Variants in CAPN13 observed in about 807,000 individuals in gnomAD.
CAPN13 encodes calpain 13.
CAPN13 carries 90 observed loss-of-function variants against 98.4 expected under a neutral mutation model. That is an observed-to-expected ratio of 0.92 (90% CI 0.77 to 1.09). CAPN13 has a LOEUF of 1.09. Ranked by LOEUF, CAPN13 falls within the 50% of genes least tolerant of loss-of-function variation. The probability of loss-of-function intolerance (pLI) is 0.00; values close to 1 mark genes in which losing one functional copy is unlikely to be tolerated. For missense variants in CAPN13, 887 were observed against 841.3 expected (o/e 1.05, Z -0.67); for synonymous variants, 330 against 305.5 (o/e 1.08, Z -0.84).
At chr2:30,793,859 C>T (rs942343438) in intron 1 of CAPN13, among the ~76,000 whole-genome samples, 3 of 151,680 alleles carry the variant, frequency 2.0e-5, no homozygotes, top group African/African-American at 7.2e-5. Flanking sequence ...GGTGCTGGAT[C>T]AACAGGATTT....
chr2:30,776,123 C>T, intron 3 of CAPN13, 78 bp from the exon 4 acceptor site: 1 of 872,222 alleles, frequency 1.1e-6, no homozygotes, highest in South Asian at 1.7e-5. Flanking sequence ...AGGTCCTTAC[C>T]ACCAGAGGCT....
At chr2:30,789,177 A>C (rs893555271) in intron 1 of CAPN13, among the ~76,000 whole-genome samples, 1 of 152,236 alleles carries the variant, frequency 6.6e-6, no homozygotes, top group Non-Finnish European at 1.5e-5. Flanking sequence ...GATATCATTC[A>C]AGAGTAAGAA....
intron 8 of CAPN13, 67 bp from the exon 9 acceptor site, chr2:30,754,431 T>C (rs944500509): frequency 6.7e-6 from 9 of 1,351,064 alleles, no homozygotes; most frequent in Non-Finnish European, 9.1e-6. Context: ...CATGTGTGGG[T>C]CAACAGGGAC....
intron 2 of CAPN13, among the ~76,000 whole-genome samples, chr2:30,784,399 CA>C: frequency 6.6e-6 from 1 of 152,256 alleles, no homozygotes; most frequent in African/African-American, 2.4e-5. Flanking sequence ...ATCACAGTAA[CA>C]AAAACTAGTG....
At chr2:30,731,479 T>TAAG in intron 20 of CAPN13, 80 bp from the exon 21 acceptor site, 1 of 1,245,368 alleles carries the variant, frequency 8.0e-7, no homozygotes, top group South Asian at 1.4e-5. Flanking sequence ...CCTGGGCCCA[T>TAAG]AAGAAGCACA....
intron 7 of CAPN13, among the ~76,000 whole-genome samples, chr2:30,758,774 C>T (rs944822715): frequency 6.2e-4 from 29 of 46,578 alleles, no homozygotes; most frequent in African/African-American, 2.4e-3. Context: ...CCTTTCCTTC[C>T]TCCCTCCCTC....
At chr2:30,730,605 C>T (rs1671034973) in intron 22 of CAPN13, 125 bp downstream of exon 22, 2 of 615,840 alleles carry the variant, frequency 3.2e-6, no homozygotes, top group Non-Finnish European at 5.9e-6. Context: ...CCTTGGTTCA[C>T]TTATGTAAGG....
chr2:30,803,227 T>TC (rs998599079), intron 1 of CAPN13, among the ~76,000 whole-genome samples: 2 of 152,218 alleles, frequency 1.3e-5, no homozygotes, highest in African/African-American at 4.8e-5. Flanking sequence ...AAGATTCCTG[T>TC]CATCTCTCCA....
At chr2:30,766,315 C>T (rs775163054) in intron 5 of CAPN13, among the ~76,000 whole-genome samples, 1 of 152,214 alleles carries the variant, frequency 6.6e-6, no homozygotes, top group African/African-American at 2.4e-5. Flanking sequence ...CCGGCAGTCA[C>T]CTCGGAGTCA....
At chr2:30,754,043 C>G (rs1438041949) in intron 9 of CAPN13, among the ~76,000 whole-genome samples, 1 of 152,180 alleles carries the variant, frequency 6.6e-6, no homozygotes, top group Non-Finnish European at 1.5e-5. Context: ...TGCCAATGTT[C>G]TCTTTTACTA....
chr2:30,781,732 T>C (rs541025531), intron 2 of CAPN13, among the ~76,000 whole-genome samples: 28 of 152,144 alleles, frequency 1.8e-4, no homozygotes, highest in Non-Finnish European at 3.7e-4. Flanking sequence ...AGGTGGCATA[T>C]TGTGGGACTT....
At chr2:30,743,266 G>A in intron 13 of CAPN13, 117 bp downstream of exon 13, 1 of 924,058 alleles carries the variant, frequency 1.1e-6, no homozygotes, top group Non-Finnish European at 1.7e-6. Context: ...CCAATATCAT[G>A]TCCCCAGTGA....
In CAPN13 at chr2:30,752,600, T is replaced by A. The variant is rs146690503; in HGVS notation, c.1087+453A>T. Reference sequence around the variant, plus strand: ...GCTCAAGGACAGACAAGTATGACTATTTCCACTGCTGAGTCTTGGGGAGGC... The same window carrying A: ...GCTCAAGGACAGACAAGTATGACTAATTCCACTGCTGAGTCTTGGGGAGGC... On this transcript the variant is annotated intron_variant, in intron 10 of 22. Transcript: ENST00000295055. Among the ~76,000 whole-genome samples, 675 of 152,308 alleles carry A rather than the reference T, an allele frequency of 4.4e-3. 8 individuals carry two copies. The highest frequency in any genetic ancestry group is 0.015 in the African/African-American group (628 of 41,566).
chr2:30,787,448 C>T, intron 1 of CAPN13, 91 bp from the exon 2 acceptor site: 3 of 923,114 alleles, frequency 3.2e-6, no homozygotes, highest in South Asian at 1.8e-5. Context: ...TCTGATATAC[C>T]ACCCTTTACA....
chr2:30,731,182 G>C (rs916755217), intron 21 of CAPN13, among the ~76,000 whole-genome samples, 162 bp downstream of exon 21: 1 of 152,212 alleles, frequency 6.6e-6, no homozygotes, highest in African/African-American at 2.4e-5. Context: ...AAGCAGCCTG[G>C]CGGCCAGCGA....
At chr2:30,758,780 CCCTCCCTTTCCTTTCCTT>C (rs1429985187) in intron 7 of CAPN13, among the ~76,000 whole-genome samples, 30 of 40,054 alleles carry the variant, frequency 7.5e-4, no homozygotes, top group African/African-American at 3.0e-3. Flanking sequence ...CTTCCTCCCT[CCCTCCCTTTCCTTTCCTT>C]CCTCCCTCCC....
At chr2:30,733,925 C>T (rs17010098) in intron 19 of CAPN13, among the ~76,000 whole-genome samples, 8,904 of 152,228 alleles carry the variant, frequency 0.058, 352 homozygotes, top group East Asian at 0.17. Flanking sequence ...GGAGATGACG[C>T]GAACAGAAGT....
intron 5 of CAPN13, among the ~76,000 whole-genome samples, chr2:30,769,375 G>A (rs970615874): frequency 6.6e-6 from 1 of 152,114 alleles, no homozygotes; most frequent in Non-Finnish European, 1.5e-5. Context: ...CGAGCACTTG[G>A]CATTCTCCAG....
intron 10 of CAPN13, among the ~76,000 whole-genome samples, chr2:30,752,826 T>C (rs898082688): frequency 3.9e-5 from 6 of 152,214 alleles, no homozygotes; most frequent in Non-Finnish European, 2.9e-5. Flanking sequence ...TGGCACAGCA[T>C]GGAGGGCTAG....
Sources: allele counts gnomAD v4.1 joint callset (sites outside exome capture counted in the v4.1 genomes callset), GRCh38; gene constraint gnomAD v4.1.1; transcripts MANE v1.5; gene names NCBI Gene and HGNC (gene_info 2026-07-23, HGNC 2026-07-21).